SLC44A5: variants seen among roughly 807,000 people sequenced by gnomAD.
SLC44A5 encodes the protein choline transporter-like protein 5.
A neutral mutation model predicts 101.8 loss-of-function variants in SLC44A5; 57 were observed. That is an observed-to-expected ratio of 0.56 (90% CI 0.45 to 0.70). SLC44A5 has a LOEUF of 0.70. SLC44A5 is among the 30% of genes least tolerant of loss of function. The pLI, the probability that SLC44A5 is intolerant of heterozygous loss-of-function variation, is 0.00. For synonymous variants in SLC44A5, 281 were observed against 290.9 expected (o/e 0.97, Z 0.35); for missense variants, 737 against 853.1 (o/e 0.86, Z 1.70).
chr1:75,698,077 G>A, the SLC44A5 span, among the ~76,000 whole-genome samples: 4 of 152,214 alleles, frequency 2.6e-5, no homozygotes, highest in Non-Finnish European at 5.9e-5. Flanking sequence ...GGCTGGGAGA[G>A]GGGTGTCCGC....
intron 2 of SLC44A5, among the ~76,000 whole-genome samples, chr1:75,465,702 C>T (rs1310382639): frequency 1.3e-5 from 2 of 151,972 alleles, no homozygotes; most frequent in Non-Finnish European, 2.9e-5. Flanking sequence ...GGAGATATTA[C>T]AACTGATACT....
chr1:75,701,067 C>G, the SLC44A5 span, among the ~76,000 whole-genome samples: 6 of 152,182 alleles, frequency 3.9e-5, no homozygotes, highest in African/African-American at 1.4e-4. Flanking sequence ...CAGCCAAATT[C>G]TACCAGAGGT....
intron 23 of SLC44A5, chr1:75,204,579 G>C (rs1646718444): frequency 6.6e-6 from 1 of 152,102 alleles, no homozygotes; most frequent in African/African-American, 2.4e-5. Flanking sequence ...GATCTCTTGG[G>C]CTCAAGTGAC....
intron 2 of SLC44A5, among the ~76,000 whole-genome samples, chr1:75,474,435 G>A (rs530900446): frequency 6.6e-6 from 1 of 152,172 alleles, no homozygotes; most frequent in Non-Finnish European, 1.5e-5. Context: ...TAATACTAAT[G>A]CTTTCAAATT....
chr1:75,479,526 A>G (rs1667681477), intron 2 of SLC44A5, among the ~76,000 whole-genome samples: 2 of 152,260 alleles, frequency 1.3e-5, no homozygotes. Flanking sequence ...AGAAGAAAAG[A>G]GAGAAGAATC....
At chr1:75,469,652 C>T (rs1044947997) in intron 2 of SLC44A5, among the ~76,000 whole-genome samples, 3 of 152,072 alleles carry the variant, frequency 2.0e-5, no homozygotes, top group African/African-American at 7.2e-5. Context: ...AGCACAGTGG[C>T]TTATGCCTGT....
At chr1:75,374,154 G>A (rs1245262069) in intron 3 of SLC44A5, among the ~76,000 whole-genome samples, 2 of 152,166 alleles carry the variant, frequency 1.3e-5, no homozygotes, top group African/African-American at 2.4e-5. Context: ...TCTTACGCAG[G>A]CATCAGAGGG....
intron 2 of SLC44A5, among the ~76,000 whole-genome samples, chr1:75,522,579 A>G (rs1195870478): frequency 6.6e-6 from 1 of 152,068 alleles, no homozygotes; most frequent in African/African-American, 2.4e-5. Flanking sequence ...CTCCAGCACA[A>G]GAATGTGTGA....
chr1:75,655,629 C>T, the SLC44A5 span, among the ~76,000 whole-genome samples: 1 of 152,082 alleles, frequency 6.6e-6, no homozygotes, highest in Non-Finnish European at 1.5e-5. Flanking sequence ...CAACTCTGGG[C>T]AATGCAGCAC....
chr1:75,268,727 A>C (rs779684796), intron 6 of SLC44A5, among the ~76,000 whole-genome samples: 1 of 152,216 alleles, frequency 6.6e-6, no homozygotes, highest in Non-Finnish European at 1.5e-5. Flanking sequence ...ATTATACTAC[A>C]CATGCCATTT....
At chr1:75,310,878 T>A (rs1352304484) in intron 4 of SLC44A5, among the ~76,000 whole-genome samples, 1 of 152,172 alleles carries the variant, frequency 6.6e-6, no homozygotes, top group East Asian at 1.9e-4. Flanking sequence ...TGAATAATTT[T>A]ATATCTTATA....
the SLC44A5 span, among the ~76,000 whole-genome samples, chr1:75,648,266 A>T: frequency 6.6e-6 from 1 of 152,010 alleles, no homozygotes; most frequent in Non-Finnish European, 1.5e-5. Context: ...CCCTTCCATG[A>T]TGTTTAAAAG....
chr1:75,615,432 T>TACACACACACAC (rs776361396), upstream of SLC44A5, among the ~76,000 whole-genome samples: 961 of 76,796 alleles, frequency 0.013, 3 homozygotes, highest in Admixed American at 0.017. Flanking sequence ...CACACACACA[T>TACACACACACAC]ACATACACAC....
At chr1:75,674,430 A>ATC in the SLC44A5 span, among the ~76,000 whole-genome samples, 1 of 152,068 alleles carries the variant, frequency 6.6e-6, no homozygotes, top group African/African-American at 2.4e-5. Context: ...CCCAGGCTGG[A>ATC]GTGCAATGGC....
At position 75,372,097 on chromosome 1, in the gene SLC44A5, T is replaced by C. The variant is rs377685710; in HGVS notation, c.52+24486A>G. Among the ~76,000 whole-genome samples the C allele has an allele frequency of 9.1e-4, 136 of 149,814 alleles. 5 individuals carry two copies. The South Asian group carries it at 0.014, about 16-fold the overall frequency. On this transcript the variant is annotated intron_variant, in intron 3 of 23. Coordinates refer to ENST00000370859, the MANE Select transcript of SLC44A5 (RefSeq NM_001130058.2). ...CTGTAATTCCAGCTACTTGGGAAGC[T>C]GACACAGGAGAATTGCTTGAACCTG...
At chr1:75,287,597 G>A (rs1653174516) in intron 5 of SLC44A5, among the ~76,000 whole-genome samples, 1 of 151,760 alleles carries the variant, frequency 6.6e-6, no homozygotes, top group South Asian at 2.1e-4. Flanking sequence ...GAAGATCTGG[G>A]GCTCAAGGGC....
the SLC44A5 span, among the ~76,000 whole-genome samples, chr1:75,681,870 G>T: frequency 2.0e-5 from 3 of 152,176 alleles, no homozygotes; most frequent in Non-Finnish European, 4.4e-5. Flanking sequence ...CACTGTCTCA[G>T]CCCAAACTCT....
chr1:75,429,250 G>A (rs1029873310), intron 2 of SLC44A5, among the ~76,000 whole-genome samples: 1 of 152,316 alleles, frequency 6.6e-6, no homozygotes, highest in Middle Eastern at 3.4e-3. Context: ...CTAAAGCTAC[G>A]TTAATGTGCC....
At chr1:75,614,912 G>C (rs1192184080), upstream of SLC44A5, among the ~76,000 whole-genome samples, 2 of 152,092 alleles carry the variant, frequency 1.3e-5, no homozygotes, top group African/African-American at 4.8e-5. Flanking sequence ...CCCCCAGCGA[G>C]AGCTAGGGAG....
Sources: gnomAD v4.1 joint callset for allele counts (sites outside exome capture counted in the v4.1 genomes callset) on GRCh38, gnomAD v4.1.1 for gene constraint, MANE v1.5 for transcripts, NCBI Gene and HGNC (gene_info 2026-07-23, HGNC 2026-07-21) for gene names.